IFT70A: variants seen among roughly 807,000 people sequenced by gnomAD.
IFT70A encodes intraflagellar transport protein 70A.
At chr2:177,618,383 C>A in the IFT70A span, 1 of 1,613,452 alleles carries the variant, frequency 6.2e-7, no homozygotes, top group Non-Finnish European at 8.5e-7. Context: ...GCGGGGTTAT[C>A]CAGGAGAAGG....
the IFT70A span, chr2:177,618,277 C>T: frequency 1.9e-6 from 3 of 1,614,240 alleles, no homozygotes; most frequent in Non-Finnish European, 1.7e-6. Context: ...TCCCCCTTCC[C>T]CACTCAGCAG....
chr2:177,618,044 G>A, the IFT70A span: 76 of 1,614,212 alleles, frequency 4.7e-5, no homozygotes, highest in Middle Eastern at 1.6e-4. Context: ...GGATGCTGGC[G>A]GATGCCACGC....
the IFT70A span, chr2:177,613,695 C>T: frequency 6.6e-6 from 1 of 152,096 alleles, no homozygotes; most frequent in Non-Finnish European, 1.5e-5. Context: ...ATTTGACTCT[C>T]CTAATGAAAT....
At chr2:177,617,479 G>T in the IFT70A span, 1 of 1,613,974 alleles carries the variant, frequency 6.2e-7, no homozygotes, top group Non-Finnish European at 8.5e-7. Context: ...CTTTTTGATA[G>T]CTTCATCATC....
chr2:177,618,068 C>T, the IFT70A span: 19 of 1,614,040 alleles, frequency 1.2e-5, no homozygotes, highest in African/African-American at 4.0e-5. Context: ...ATAATCTCAG[C>T]GATATGCTTC....
the IFT70A span, chr2:177,613,588 G>C: frequency 6.6e-6 from 1 of 152,184 alleles, no homozygotes; most frequent in Non-Finnish European, 1.5e-5. Flanking sequence ...TGAGACTTAA[G>C]ATCTTGAGAG....
chr2:177,616,512 G>T, the IFT70A span: 1 of 427,974 alleles, frequency 2.3e-6, no homozygotes, highest in Non-Finnish European at 4.0e-6. Flanking sequence ...GAAAGCAGAA[G>T]TGATGCAGCT....
the IFT70A span, chr2:177,617,207 T>C: frequency 1.4e-5 from 22 of 1,605,258 alleles, no homozygotes; most frequent in South Asian, 2.2e-4. Flanking sequence ...GCCAGTACAA[T>C]AGCACTGACA....
chr2:177,618,203 C>T, the IFT70A span: 1 of 1,614,264 alleles, frequency 6.2e-7, no homozygotes, highest in Non-Finnish European at 8.5e-7. Context: ...TACTGTCCCT[C>T]CTTGTAGAGC....
At chr2:177,616,783 T>C in the IFT70A span, 32 of 1,590,902 alleles carry the variant, frequency 2.0e-5, no homozygotes, top group Non-Finnish European at 2.5e-5. Context: ...CTTCCCAACA[T>C]GCATTCTTTC....
At chr2:177,616,505 A>T in the IFT70A span, 1 of 417,730 alleles carries the variant, frequency 2.4e-6, no homozygotes, top group African/African-American at 2.1e-5. Context: ...GTAGGAAGAA[A>T]GCAGAAGTGA....
the IFT70A span, chr2:177,616,392 C>G: frequency 1.7e-3 from 343 of 207,384 alleles, no homozygotes; most frequent in Non-Finnish European, 2.8e-3. Flanking sequence ...ACCCTTTTGA[C>G]AGCCCAAAGC....
the IFT70A span, chr2:177,616,964 T>C: frequency 5.6e-6 from 9 of 1,610,648 alleles, no homozygotes; most frequent in Non-Finnish European, 7.6e-6. Flanking sequence ...CAGGTATCTG[T>C]TCCCAGCTTT....
the IFT70A span, chr2:177,613,241 T>G: frequency 6.6e-6 from 1 of 152,228 alleles, no homozygotes; most frequent in East Asian, 1.9e-4. Flanking sequence ...TTGTTTTAAC[T>G]ACAGAAAAAT....
the IFT70A span, chr2:177,618,575 T>C: frequency 1.9e-6 from 3 of 1,600,602 alleles, no homozygotes; most frequent in Admixed American, 1.7e-5. Flanking sequence ...GCACGGCTCC[T>C]GGGGCTCCGC....
At chr2:177,618,647 A>T in the IFT70A span, 1 of 1,608,166 alleles carries the variant, frequency 6.2e-7, no homozygotes, top group Non-Finnish European at 8.5e-7. Flanking sequence ...ATGAGCCGGT[A>T]CACTAGCGCG....
the IFT70A span, chr2:177,616,502 G>A: frequency 2.7e-5 from 11 of 410,630 alleles, no homozygotes; most frequent in South Asian, 8.9e-5. Flanking sequence ...CTAGTAGGAA[G>A]AAAGCAGAAG....
chr2:177,616,637 A>G, the IFT70A span: 2 of 1,346,718 alleles, frequency 1.5e-6, no homozygotes, highest in Non-Finnish European at 2.0e-6. Flanking sequence ...TGCCAAGGCT[A>G]AATACAGATA....
At chr2:177,614,987 G>T in the IFT70A span, 1 of 152,142 alleles carries the variant, frequency 6.6e-6, no homozygotes, top group Non-Finnish European at 1.5e-5. Flanking sequence ...ATTTGATTTG[G>T]TGAGTTAGTT....
Sources: gnomAD v4.1 joint callset for allele counts on GRCh38, gnomAD v4.1.1 for gene constraint, MANE v1.5 for transcripts, NCBI Gene and HGNC (gene_info 2026-07-23, HGNC 2026-07-21) for gene names.